AFG1L: variants seen among roughly 807,000 people sequenced by gnomAD.
The protein encoded by AFG1L is AFG1-like ATPase.
A neutral mutation model predicts 62.2 loss-of-function variants in AFG1L; 53 were observed. The observed-to-expected ratio is 0.85, with a 90% CI of 0.68 to 1.07. AFG1L has a LOEUF of 1.07. Among genes scored for constraint, AFG1L ranks in the 50% least tolerant of loss-of-function variants. The pLI is 0.00. For missense variants in AFG1L, 555 were observed against 590.5 expected (o/e 0.94, Z 0.62); for synonymous variants, 228 against 210.3 (o/e 1.08, Z -0.73).
intron 1 of AFG1L, among the ~76,000 whole-genome samples, chr6:108,310,385 T>C (rs1337569371): frequency 6.6e-6 from 1 of 152,234 alleles, no homozygotes. Flanking sequence ...GAGTATCATT[T>C]CATGTGTTTA....
intron 8 of AFG1L, among the ~76,000 whole-genome samples, chr6:108,457,601 T>C (rs1321520587): frequency 2.0e-5 from 3 of 152,044 alleles, no homozygotes; most frequent in African/African-American, 7.2e-5. Flanking sequence ...GTCATTACTT[T>C]TGCTTAAACA....
At chr6:108,447,634 A>T (rs1019515446) in intron 8 of AFG1L, among the ~76,000 whole-genome samples, 1 of 152,180 alleles carries the variant, frequency 6.6e-6, no homozygotes, top group African/African-American at 2.4e-5. Flanking sequence ...ATCATCTGAC[A>T]AGTGTGCCAT....
At chr6:108,446,462 C>G (rs12215214) in intron 7 of AFG1L, among the ~76,000 whole-genome samples, 54,423 of 148,468 alleles carry the variant, frequency 0.37, 10,480 homozygotes, top group Non-Finnish European at 0.45. Flanking sequence ...AATGTGGACA[C>G]TAATGTTCTG....
chr6:108,308,940 C>G (rs1474786000), intron 1 of AFG1L, among the ~76,000 whole-genome samples: 1 of 152,142 alleles, frequency 6.6e-6, no homozygotes, highest in East Asian at 1.9e-4. Context: ...CTCCTAACCT[C>G]AGGTGATCTG....
intron 10 of AFG1L, among the ~76,000 whole-genome samples, chr6:108,495,218 CT>C (rs1401275341): frequency 6.6e-6 from 1 of 152,140 alleles, no homozygotes; most frequent in Non-Finnish European, 1.5e-5. Context: ...TTAAAAGGTA[CT>C]TCTCTTTAAG....
chr6:108,415,732 A>T (rs1403623751), intron 7 of AFG1L, among the ~76,000 whole-genome samples: 3 of 152,222 alleles, frequency 2.0e-5, no homozygotes, highest in Non-Finnish European at 2.9e-5. Flanking sequence ...AGAAAGCTGA[A>T]ACTGGATCCC....
intron 6 of AFG1L, among the ~76,000 whole-genome samples, chr6:108,401,433 C>T (rs1429332272): frequency 1.3e-5 from 2 of 151,904 alleles, no homozygotes; most frequent in East Asian, 3.9e-4. Flanking sequence ...TGAGCCACCG[C>T]GCCCGGCCGC....
In AFG1L at chr6:108,308,862, C is replaced by T. The variant is rs186957480; in HGVS notation, c.139+13644C>T. On this transcript the variant is annotated intron_variant, in intron 1 of 12. Transcript: ENST00000368977. ...CTGGGACTACAGGCGTGTGCCACCA[C>T]GCCCAGCTGCTTTTTTGTATTTTTA... 1.7e-3 allele frequency among the ~76,000 whole-genome samples: 254 copies of T among 152,096 alleles called. 1 individual carries two copies. Among genetic ancestry groups the T allele is most frequent in the African/African-American group, 4.7e-3 (196 of 41,500 alleles).
chr6:108,512,400 G>A (rs1271875946), intron 11 of AFG1L, among the ~76,000 whole-genome samples: 1 of 152,176 alleles, frequency 6.6e-6, no homozygotes, highest in East Asian at 1.9e-4. Flanking sequence ...ATCTGGAGAG[G>A]CAGAAGGCTG....
intron 1 of AFG1L, among the ~76,000 whole-genome samples, chr6:108,320,598 A>G (rs1422981471): frequency 6.6e-6 from 1 of 151,760 alleles, no homozygotes; most frequent in Non-Finnish European, 1.5e-5. Flanking sequence ...AACATCTCTA[A>G]CCTCTTTGGC....
intron 1 of AFG1L, among the ~76,000 whole-genome samples, chr6:108,311,403 G>A (rs144530263): frequency 1.4e-4 from 22 of 152,274 alleles, no homozygotes; most frequent in African/African-American, 5.3e-4. Context: ...TTGGCCCTGT[G>A]ATCTTACAGC....
chr6:108,394,660 T>C (rs1436290949), intron 6 of AFG1L, among the ~76,000 whole-genome samples: 4 of 152,214 alleles, frequency 2.6e-5, no homozygotes. Flanking sequence ...TGATAGTCTA[T>C]CCTTTTTATT....
intron 8 of AFG1L, among the ~76,000 whole-genome samples, chr6:108,468,233 C>T (rs947610586): frequency 1.3e-5 from 2 of 152,190 alleles, no homozygotes; most frequent in Non-Finnish European, 2.9e-5. Context: ...AGAACACACC[C>T]TTGAGTATCA....
intron 12 of AFG1L, chr6:108,520,584 A>G (rs907858381): frequency 3.3e-5 from 5 of 152,248 alleles, no homozygotes; most frequent in African/African-American, 1.2e-4. Context: ...CCAGCCCCAC[A>G]GGTGAAAGAC....
rs1174821524 is a variant in AFG1L at position 108,355,710 on chromosome 6, A to G, written c.472A>G (p.Lys158Glu). ...MFYAYVEMKRKKRVHFHGFML... is the reference protein window; with the variant it reads ...MFYAYVEMKREKRVHFHGFML... ...TTATGCTTATGTGGAAATGAAGAGG[A>G]AAAAACGGGTTCATTTTCATGGTTT... Residue 158 changes from lysine to glutamate, a missense_variant, in exon 4 of 13, where the codon AAA (lysine) becomes GAA (glutamate). Lys to Glu is a moderately conservative substitution (Grantham distance 56, BLOSUM62 1). Transcript: ENST00000368977. The G allele has an allele frequency of 6.2e-7, 1 of 1,611,238 alleles. No homozygotes were observed. Among genetic ancestry groups the G allele is most frequent in the South Asian group, 1.1e-5 (1 of 90,056 alleles).
chr6:108,449,362 TG>T (rs1317261733), intron 8 of AFG1L, among the ~76,000 whole-genome samples: 4 of 152,068 alleles, frequency 2.6e-5, no homozygotes, highest in African/African-American at 7.2e-5. Flanking sequence ...ATAGAAAGCC[TG>T]GGGGCACCCC....
chr6:108,392,642 G>A (rs1781108099), intron 6 of AFG1L, among the ~76,000 whole-genome samples: 1 of 152,068 alleles, frequency 6.6e-6, no homozygotes. Context: ...GTAAATTGTT[G>A]TTTGAACTTT....
chr6:108,446,491 C>CTTTTTTTTTTTT (rs1184074963), intron 7 of AFG1L, among the ~76,000 whole-genome samples: 1 of 122,294 alleles, frequency 8.2e-6, no homozygotes, highest in African/African-American at 3.5e-5. Context: ...CTCTCTCTCT[C>CTTTTTTTTTTTT]TTTTTTTTTT....
At chr6:108,444,275 A>G (rs181215750) in intron 7 of AFG1L, among the ~76,000 whole-genome samples, 1 of 152,312 alleles carries the variant, frequency 6.6e-6, no homozygotes, top group Admixed American at 6.5e-5. Flanking sequence ...ATGTCTAAAG[A>G]AAACCTTAAT....
Sources: gnomAD v4.1 joint callset for allele counts (sites outside exome capture counted in the v4.1 genomes callset) on GRCh38, gnomAD v4.1.1 for gene constraint, MANE v1.5 for transcripts, NCBI Gene and HGNC (gene_info 2026-07-23, HGNC 2026-07-21) for gene names.